TNXB: variants seen among roughly 807,000 people sequenced by gnomAD.
The protein encoded by TNXB is tenascin-X.
Under a neutral mutation model 340.5 loss-of-function variants are expected in TNXB, and 183 were observed. The observed-to-expected ratio is 0.54, with a 90% CI of 0.48 to 0.61. TNXB has a LOEUF of 0.61. Ranked by LOEUF, TNXB falls within the 20% of genes least tolerant of loss-of-function variation. TNXB has a pLI of 0.00. For missense variants in TNXB, 4,613 were observed against 5,446.4 expected (o/e 0.85, Z 4.82); for synonymous variants, 2,121 against 2,314.5 (o/e 0.92, Z 2.40).
rs764676418 is a variant in TNXB, at chr6:32,067,985, C to T, written c.6221-1G>A. The T allele has an allele frequency of 2.1e-5, 33 of 1,609,422 alleles. No homozygotes were observed. The highest frequency in any genetic ancestry group is 3.3e-5 in the Admixed American group (2 of 59,892). On this transcript the variant is annotated splice_acceptor_variant, in intron 17 of 43. Coordinates refer to ENST00000644971, the MANE Select transcript of TNXB (RefSeq NM_001365276.2). LOFTEE classifies it high-confidence loss of function. This position sits in a 1 kb window ranked among gnomAD's most constrained non-coding sequence, Gnocchi z 4.2. ...GGGCTGGGGGTCTCTTCCTCTGCAGCTGAGAAGGAGGAAGAGAGAGTGAGG... is the reference window on the plus strand; with the variant it reads ...GGGCTGGGGGTCTCTTCCTCTGCAGTTGAGAAGGAGGAAGAGAGAGTGAGG...
At chr6:32,093,602 G>A (rs1440536851) in intron 4 of TNXB, 2 of 461,802 alleles carry the variant, frequency 4.3e-6, no homozygotes, top group African/African-American at 3.9e-5. Context: ...TGATGAAGAT[G>A]AGGATGACAT....
chr6:32,049,433 C>A lies in TNXB; in HGVS notation c.9594G>T (p.Val3198=). Residue 3198 remains valine (V), a synonymous_variant, in exon 28 of 44, where the codon GTG becomes GTT. Coordinates refer to ENST00000644971, the MANE Select transcript of TNXB (RefSeq NM_001365276.2). This position sits in a 1 kb window ranked among gnomAD's most constrained non-coding sequence, Gnocchi z 4.5. ...VPQGRFDSFT[V]QYKDRDGQPQ... ...GCTGCCCGTCCCTGTCCTTGTACTG[C>A]ACGGTGAAGGAGTCGAAGCGGCCCT... The A allele has an allele frequency of 6.2e-7, 1 of 1,612,696 alleles. No individual in the cohort carries two copies. Among genetic ancestry groups the A allele is most frequent in the Non-Finnish European group, 8.5e-7 (1 of 1,179,870 alleles).
Position 32,069,766 on chromosome 6 carries a change from C to A in TNXB, c.5374G>T (p.Val1792Leu). 1 of 1,608,082 alleles carries A rather than the reference C, an allele frequency of 6.2e-7. No individual in the cohort carries two copies. The highest frequency in any genetic ancestry group is 2.2e-5 in the East Asian group (1 of 44,622). The change falls in exon 15 of 44, where the codon GTG becomes TTG. Residue 1792 changes from valine to leucine, a missense_variant. Val to Leu is a conservative substitution (Grantham distance 32). This residue lies in a region of TNXB where 4,327 missense variants were observed against 4,859.4 expected (regional missense o/e 0.89). Coordinates refer to ENST00000644971, the MANE Select transcript of TNXB (RefSeq NM_001365276.2). The surrounding 1 kb of genome is among the most constrained non-coding windows in gnomAD (Gnocchi z 6.2). Reference sequence around the variant, plus strand: ...TCAGGGACTGTCCAGGAGAGGCCCACGGAGTTCTGGGTCACGGTGGTCACC... The same window carrying A: ...TCAGGGACTGTCCAGGAGAGGCCCAAGGAGTTCTGGGTCACGGTGGTCACC... ...LQVTTVTQNS[V>L]GLSWTVPEGQ...
rs1779719767 is a variant in TNXB, at chr6:32,085,612, T to C, written c.3148+138A>G. 11 of 1,017,314 alleles carry C rather than the reference T, an allele frequency of 1.1e-5. No individual in the cohort carries two copies. The Middle Eastern group carries it at 8.5e-4, about 78-fold the overall frequency. 63.0% of individuals were successfully genotyped at this position (1,017,314 alleles called of 1,614,324 possible). On this transcript the variant is annotated intron_variant, in intron 7 of 43. Transcript: ENST00000644971. The surrounding 1 kb of genome is among the most constrained non-coding windows in gnomAD (Gnocchi z 6.4). ...TGAACCTGCAATTCCTTTTCTCTCC[T>C]TTTCTCCTCTATCCAGCCCCAAACA...
In TNXB at chr6:32,089,113, A is replaced by G. The variant is rs554247203; in HGVS notation, c.2516-65T>C. ...TTCTTCAATCATCATCTTTCCTTCC[A>G]AGAGCCTAGCCCCCATCCAGCCCCT... On this transcript the variant is annotated intron_variant, in intron 5 of 43. Coordinates refer to ENST00000644971, the MANE Select transcript of TNXB (RefSeq NM_001365276.2). The surrounding 1 kb of genome is among the most constrained non-coding windows in gnomAD (Gnocchi z 6.2). The G allele has an allele frequency of 1.2e-5, 19 of 1,585,148 alleles. No individual in the cohort carries two copies. In the African/African-American group the frequency reaches 2.4e-4, roughly 20 times the overall value.
rs893462756 is a variant in TNXB at position 32,104,633 on chromosome 6, C to CT, written c.-9+4547dup. 3.6e-4 allele frequency among the ~76,000 whole-genome samples: 54 copies of CT among 151,232 alleles called. 2 individuals carry two copies. The highest frequency in any genetic ancestry group is 2.9e-3 in the South Asian group (14 of 4,766). ...GACAACTGCAATTGCCTCCTGGCTG[C>CT]TTTTTTTTTCTTTTTTTTTGAGACA... On this transcript the variant is annotated intron_variant, in intron 1 of 43. Transcript: ENST00000644971.
rs775539288 is a variant in TNXB, at chr6:32,082,021, G to A, written c.3736+15C>T. 2 of 1,594,152 alleles carry A rather than the reference G, an allele frequency of 1.3e-6. No individual in the cohort carries two copies. Among genetic ancestry groups the A allele is most frequent in the African/African-American group, 1.3e-5 (1 of 74,848 alleles). ...GAGAAGGGGTCACATGGGGGCTGAG[G>A]TGGCTGCTACTCACCAGTGGTGCCA... On this transcript the variant is annotated intron_variant, in intron 9 of 43. Coordinates refer to ENST00000644971, the MANE Select transcript of TNXB (RefSeq NM_001365276.2). The surrounding 1 kb of genome is among the most constrained non-coding windows in gnomAD (Gnocchi z 5.0).
In TNXB at chr6:32,097,327, G is replaced by C. The variant is rs758179653; in HGVS notation, c.526C>G (p.Pro176Ala). Residue 176 changes from proline (P) to alanine (A), a missense_variant, in exon 3 of 44, where the codon CCT becomes GCT. By Grantham distance (27) the Pro-to-Ala change is conservative (BLOSUM62 -1). Around this residue, in one of 7 missense-constraint regions of TNXB, gnomAD observed 4,327 missense variants for 4,859.4 expected, o/e 0.89. Coordinates refer to ENST00000644971, the MANE Select transcript of TNXB (RefSeq NM_001365276.2). The surrounding 1 kb of genome is among the most constrained non-coding windows in gnomAD (Gnocchi z 5.9). The stretch of plus-strand genomic sequence containing the variant: ...GAGGCTGAGGGTGGGGAAGAGGGAG[G>C]GATCTCAGCATCTGTGGGGTCTGAG... ...TCSDPTDAEI[P>A]PSSPPSASGS... is the part of the protein sequence containing the mutation. 1.9e-6 allele frequency: 3 copies of C among 1,613,538 alleles called. No individual in the cohort carries two copies. Among genetic ancestry groups the C allele is most frequent in the Non-Finnish European group, 1.7e-6 (2 of 1,179,858 alleles).
chr6:32,081,616 C>A lies in TNXB; in HGVS notation c.3794G>T (p.Gly1265Val). 6.2e-7 allele frequency: 1 copy of A among 1,600,408 alleles called. No individual in the cohort carries two copies. Among genetic ancestry groups the A allele is most frequent in the Non-Finnish European group, 8.5e-7 (1 of 1,174,192 alleles). The change falls in exon 10 of 44, where the codon GGG (glycine) becomes GTG (valine). Residue 1265 changes from glycine (G) to valine (V), a missense_variant. By Grantham distance (109) the Gly-to-Val change is moderately radical (BLOSUM62 -3). Coordinates refer to ENST00000644971, the MANE Select transcript of TNXB (RefSeq NM_001365276.2). This position sits in a 1 kb window ranked among gnomAD's most constrained non-coding sequence, Gnocchi z 5.1. The part of the protein sequence containing the change: ...RPEFLEQPLL[G>V]ELTVTGVTPD... ...GGTCACGCCGGTCACTGTCAGTTCC[C>A]CCAGGAGGGGCTGCTCCAGGAACTC...
In TNXB at chr6:32,084,750, C is replaced by A. The variant is rs1399950735; in HGVS notation, c.3149-41G>T. On this transcript the variant is annotated intron_variant, in intron 7 of 43. Coordinates refer to ENST00000644971, the MANE Select transcript of TNXB (RefSeq NM_001365276.2). This position sits in a 1 kb window ranked among gnomAD's most constrained non-coding sequence, Gnocchi z 5.5. ...CAAAAGCAAAGCATAGTGGACTCAA[C>A]CGTTCTCTTGTCTGTGTCTCCTTCC... 6.7e-7 allele frequency: 1 copy of A among 1,490,154 alleles called. No homozygotes were observed. Among genetic ancestry groups the A allele is most frequent in the African/African-American group, 1.4e-5 (1 of 72,302 alleles). 92.3% of individuals were successfully genotyped at this position (1,490,154 alleles called of 1,614,324 possible).
Position 32,052,450 on chromosome 6 carries a change from CA to C in TNXB, c.9115+219del, listed in dbSNP as rs34605198. Among the ~76,000 whole-genome samples, 399 of 118,540 alleles carry C rather than the reference CA, an allele frequency of 3.4e-3. No individual in the cohort carries two copies. Among genetic ancestry groups the C allele is most frequent in the Non-Finnish European group, 3.1e-3 (178 of 57,002 alleles). 77.8% of individuals were successfully genotyped at this position (118,540 alleles called of 152,430 possible). On this transcript the variant is annotated intron_variant, in intron 26 of 43. Coordinates refer to ENST00000644971, the MANE Select transcript of TNXB (RefSeq NM_001365276.2). The surrounding 1 kb of genome is among the most constrained non-coding windows in gnomAD (Gnocchi z 4.7). ...TGGGTGACAAAGCGAGACTCTATCT[CA>C]AAAAAAAAAAAAAGAAAGAAAGAAA...
At position 32,089,519 on chromosome 6, in the gene TNXB, C is replaced by T; in HGVS notation, c.2359-140G>A. ...ACTTGACCCTGTACAAGCTGGGGAG[C>T]AAACATGCTGAGAGCGCTAACTCCT... On this transcript the variant is annotated intron_variant, in intron 4 of 43. Coordinates refer to ENST00000644971, the MANE Select transcript of TNXB (RefSeq NM_001365276.2). This position sits in a 1 kb window ranked among gnomAD's most constrained non-coding sequence, Gnocchi z 6.2. 8.7e-7 allele frequency: 1 copy of T among 1,155,316 alleles called. No individual in the cohort carries two copies. Among genetic ancestry groups the T allele is most frequent in the Non-Finnish European group, 1.2e-6 (1 of 845,860 alleles). The allele number at this position is 1,155,316 out of a possible 1,614,324, so 71.6% of individuals were successfully genotyped here. A position where few individuals can be genotyped will look rare whatever the true frequency, so the allele number is the denominator to read the frequency against.
chr6:32,049,262 C>G lies in TNXB; in HGVS notation c.9757+8G>C. On this transcript the variant is annotated splice_region_variant and intron_variant, in intron 28 of 43. Coordinates refer to ENST00000644971, the MANE Select transcript of TNXB (RefSeq NM_001365276.2). This position sits in a 1 kb window ranked among gnomAD's most constrained non-coding sequence, Gnocchi z 4.5. ...AACCTGGGGACGAGGGCCTGTCCCC[C>G]CACTCACCCGTGATGCCCACGGTGG... 6.2e-7 allele frequency: 1 copy of G among 1,606,386 alleles called. No individual in the cohort carries two copies. Among genetic ancestry groups the G allele is most frequent in the Non-Finnish European group, 8.5e-7 (1 of 1,175,592 alleles).
In TNXB at chr6:32,073,956, G is replaced by A. The variant is rs557978929; in HGVS notation, c.4376-4C>T. ...GGGGTCTCTTCTTGTTGTGGGGCTGGGACAGAGATGGTAGGGGGCTGTTAG... is the reference window on the plus strand; with the variant it reads ...GGGGTCTCTTCTTGTTGTGGGGCTGAGACAGAGATGGTAGGGGGCTGTTAG... On this transcript the variant is annotated splice_region_variant and splice_polypyrimidine_tract_variant and intron_variant, in intron 11 of 43. Transcript: ENST00000644971. The surrounding 1 kb of genome is among the most constrained non-coding windows in gnomAD (Gnocchi z 4.6). 8.8e-6 allele frequency: 14 copies of A among 1,582,352 alleles called. No individual in the cohort carries two copies. In the African/African-American group the frequency reaches 1.1e-4, roughly 12 times the overall value.
At position 32,046,283 on chromosome 6, in the gene TNXB, G is replaced by A. The variant is rs750321615; in HGVS notation, c.10498C>T (p.Arg3500Cys). 28 of 1,606,524 alleles carry A rather than the reference G, an allele frequency of 1.7e-5. No individual in the cohort carries two copies. Among genetic ancestry groups the A allele is most frequent in the African/African-American group, 5.3e-5 (4 of 74,884 alleles). Reference sequence around the variant, plus strand: ...TCCAGGTCCTCTACGGTGACTGTGCGCTGGTCTGCGGCCACAGGCACTGCC... The same window carrying A: ...TCCAGGTCCTCTACGGTGACTGTGCACTGGTCTGCGGCCACAGGCACTGCC... ...PRAVPVAADQ[R>C]TVTVEDLEPG... The change falls in exon 31 of 44, where the codon CGC becomes TGC. Residue 3500 changes from arginine to cysteine, a missense_variant. Arg to Cys is a radical substitution (Grantham distance 180). This residue lies in a region of TNXB where 4,327 missense variants were observed against 4,859.4 expected (regional missense o/e 0.89). Coordinates refer to ENST00000644971, the MANE Select transcript of TNXB (RefSeq NM_001365276.2). This position sits in a 1 kb window ranked among gnomAD's most constrained non-coding sequence, Gnocchi z 6.9.
At chr6:32,109,030 C>T (rs1444794556) in intron 1 of TNXB, among the ~76,000 whole-genome samples, 151 bp downstream of exon 1, 2 of 152,222 alleles carry the variant, frequency 1.3e-5, no homozygotes, top group African/African-American at 4.8e-5. Context: ...TGGTTCCCAG[C>T]GAATGCTCCT....
chr6:32,052,649 G>C lies in TNXB; in HGVS notation c.9115+21C>G, dbSNP rs370586333. The C allele has an allele frequency of 6.2e-7, 1 of 1,605,472 alleles. No homozygotes were observed. Among genetic ancestry groups the C allele is most frequent in the Non-Finnish European group, 8.5e-7 (1 of 1,173,390 alleles). On this transcript the variant is annotated intron_variant, in intron 26 of 43. Transcript: ENST00000644971. The surrounding 1 kb of genome is among the most constrained non-coding windows in gnomAD (Gnocchi z 4.7). ...CTTCCAGGGCCATCTTCCCCACCTC[G>C]CCTCACTCACACTTACTCACCTGTC...
Position 32,058,855 on chromosome 6 carries a change from G to A in TNXB, c.7493-465C>T, listed in dbSNP as rs962474075. Among the ~76,000 whole-genome samples, 9 of 151,904 alleles carry A rather than the reference G, an allele frequency of 5.9e-5. No individual in the cohort carries two copies. Among genetic ancestry groups the A allele is most frequent in the Non-Finnish European group, 1.2e-4 (8 of 68,034 alleles). On this transcript the variant is annotated intron_variant, in intron 21 of 43. Coordinates refer to ENST00000644971, the MANE Select transcript of TNXB (RefSeq NM_001365276.2). The surrounding 1 kb of genome is among the most constrained non-coding windows in gnomAD (Gnocchi z 5.1). ...CAACGCATCAAATAACCATTGAAAC[G>A]ATGATGAATGCTGGTTGTGTAGCCG...
rs1781105405 is a variant in TNXB at position 32,108,849 on chromosome 6, AC to A, written c.-9+331del. On this transcript the variant is annotated intron_variant, in intron 1 of 43. Transcript: ENST00000644971. The surrounding 1 kb of genome is among the most constrained non-coding windows in gnomAD (Gnocchi z 4.8). ...CAGCACCTCCAGGGCCCAGGGGCTC[AC>A]CTCACCAATAACCACCTCTACCCTG... Among the ~76,000 whole-genome samples the A allele has an allele frequency of 6.6e-6, 1 of 152,042 alleles. No individual in the cohort carries two copies. Among genetic ancestry groups the A allele is most frequent in the African/African-American group, 2.4e-5 (1 of 41,408 alleles).
Sources: gnomAD v4.1 joint callset for allele counts (sites outside exome capture counted in the v4.1 genomes callset) on GRCh38, gnomAD v4.1.1 for gene constraint, gnomAD v4.1.1 regional missense constraint, Gnocchi (gnomAD v3.1) non-coding constraint, MANE v1.5 for transcripts, NCBI Gene and HGNC (gene_info 2026-07-23, HGNC 2026-07-21) for gene names.